The following RCN2 variants were observed in gnomAD, a reference collection of about 807,000 sequenced individuals.
The protein encoded by RCN2 is reticulocalbin 2.
RCN2 carries 23 observed loss-of-function variants against 37.5 expected under a neutral mutation model. The observed-to-expected ratio is 0.61, with a 90% confidence interval of 0.44 to 0.87. RCN2 has a LOEUF of 0.87. RCN2 is among the 40% of genes least tolerant of loss of function. RCN2 has a pLI of 0.00. For missense variants in RCN2, 381 were observed against 390.4 expected, an observed-to-expected ratio of 0.98 and a Z score of 0.20; for synonymous variants, 140 against 144.6, an observed-to-expected ratio of 0.97 and a Z score of 0.23.
chr15:76,945,673 C>T (rs539776605), intron 4 of RCN2, among the ~76,000 whole-genome samples: 5 of 152,308 alleles, frequency 3.3e-5, no homozygotes, highest in South Asian at 4.1e-4. Flanking sequence ...CCTCCAGCTA[C>T]GTGGCTTGGT....
chr15:76,932,408 A>G lies in RCN2; in HGVS notation c.192A>G (p.Lys64=). Residue 64 remains lysine, a synonymous_variant, in exon 2 of 7, where the codon AAA becomes AAG. Transcript: ENST00000394885. Reference sequence around the variant, plus strand: ...AACTCGGCCACGAAGAGCAGCAAAAAAGACTGCAGGCGATCATAAAGAAAA... The same window carrying G: ...AACTCGGCCACGAAGAGCAGCAAAAGAGACTGCAGGCGATCATAAAGAAAA... ...YVKLGHEEQQ[K]RLQAIIKKID... 6.2e-7 allele frequency: 1 copy of G among 1,614,100 alleles called. No homozygotes were observed. Among genetic ancestry groups the G allele is most frequent in the Non-Finnish European group, 8.5e-7 (1 of 1,179,958 alleles).
In RCN2 at chr15:76,949,365, G is replaced by A. The variant is rs1385717133; in HGVS notation, c.*143G>A. On this transcript the variant is annotated 3_prime_UTR_variant, in exon 7 of 7. Transcript: ENST00000394885. ...TTATCTTAATGTAGATTATAATTTT[G>A]GTCTTTTAGGAAAAAAAAACAAAAA... 1.7e-5 allele frequency: 10 copies of A among 593,496 alleles called. No homozygotes were observed. Among genetic ancestry groups the A allele is most frequent in the African/African-American group, 3.8e-5 (2 of 52,114 alleles). The allele number at this position is 593,496 out of a possible 1,614,324, so 36.8% of individuals were successfully genotyped here.
At chr15:76,932,589 C>A (rs1249969605) in intron 2 of RCN2, 123 bp downstream of exon 2, 3 of 691,350 alleles carry the variant, frequency 4.3e-6, no homozygotes, top group Non-Finnish European at 7.7e-6. Flanking sequence ...GAGAAAAGGA[C>A]ATGGAGAATA....
chr15:76,936,234 A>G, intron 3 of RCN2, among the ~76,000 whole-genome samples: 1 of 152,030 alleles, frequency 6.6e-6, no homozygotes, highest in South Asian at 2.1e-4. Context: ...TCTCTTGATT[A>G]TTCCTTAATA....
At chr15:76,932,119 G>A (rs888563719) in intron 1 of RCN2, 134 bp downstream of exon 1, 9 of 910,358 alleles carry the variant, frequency 9.9e-6, no homozygotes, top group African/African-American at 3.5e-5. Context: ...GGGCGGCGCG[G>A]CACTCGCTCT....
intron 2 of RCN2, among the ~76,000 whole-genome samples, chr15:76,934,455 A>T (rs1301818209): frequency 6.6e-6 from 1 of 152,160 alleles, no homozygotes; most frequent in Non-Finnish European, 1.5e-5. Context: ...TAGATTTTTT[A>T]AAAGTTGATT....
Position 76,949,006 on chromosome 15 carries a change from T to G in RCN2, c.802-64T>G, listed in dbSNP as rs958383583. ...ATGATTTTGACAAGTCAAATCACAT[T>G]AAATTGTGAACATCTTGCTGAAAAT... On this transcript the variant is annotated intron_variant, in intron 6 of 6. Transcript: ENST00000394885. 3 of 1,407,148 alleles carry G rather than the reference T, an allele frequency of 2.1e-6. No homozygotes were observed. The African/African-American group carries it at 4.3e-5, about 20-fold the overall frequency. The allele number at this position is 1,407,148 out of a possible 1,614,324, so 87.2% of individuals were successfully genotyped here.
At chr15:76,934,118 G>C (rs760731660) in intron 2 of RCN2, among the ~76,000 whole-genome samples, 3 of 151,742 alleles carry the variant, frequency 2.0e-5, no homozygotes, top group Non-Finnish European at 4.4e-5. Flanking sequence ...CTTTAACGTA[G>C]TTTAGTAAAT....
chr15:76,946,510 G>A (rs2075297514), intron 4 of RCN2, among the ~76,000 whole-genome samples: 1 of 152,156 alleles, frequency 6.6e-6, no homozygotes, highest in East Asian at 1.9e-4. Context: ...CCAGCACTTT[G>A]GGAGGCTGAG....
intron 3 of RCN2, chr15:76,943,476 C>T: frequency 3.8e-6 from 1 of 259,904 alleles, no homozygotes; most frequent in Non-Finnish European, 7.2e-6. Flanking sequence ...AGATTTTTAT[C>T]CCAGTTTGAT....
At chr15:76,944,286 G>T (rs1384729214) in intron 4 of RCN2, among the ~76,000 whole-genome samples, 1 of 152,044 alleles carries the variant, frequency 6.6e-6, no homozygotes, top group Non-Finnish European at 1.5e-5. Flanking sequence ...CGGCCGAGAT[G>T]TTTTGATACA....
intron 4 of RCN2, among the ~76,000 whole-genome samples, chr15:76,944,183 C>T (rs2152651236): frequency 6.6e-6 from 1 of 151,808 alleles, no homozygotes; most frequent in East Asian, 1.9e-4. Context: ...TCAGTAGAGA[C>T]GGGGTTTCAC....
rs2075223237 is a variant in RCN2 at position 76,931,814 on chromosome 15, C to T, written c.-28C>T. Reference sequence around the variant, plus strand: ...CCCCCGCCAGCCTCCCTCCTCGCGTCCCTCGGTGTCCTCCGCGGGCCGGCG... The same window carrying T: ...CCCCCGCCAGCCTCCCTCCTCGCGTTCCTCGGTGTCCTCCGCGGGCCGGCG... On this transcript the variant is annotated 5_prime_UTR_variant, in exon 1 of 7. Transcript: ENST00000394885. 2 of 1,207,372 alleles carry T rather than the reference C, an allele frequency of 1.7e-6. No homozygotes were observed. The highest frequency in any genetic ancestry group is 3.2e-5 in the African/African-American group (2 of 62,872). The allele number at this position is 1,207,372 out of a possible 1,614,324, so 74.8% of individuals were successfully genotyped here.
At position 76,935,655 on chromosome 15, in the gene RCN2, A is replaced by G; in HGVS notation, c.380A>G (p.Tyr127Cys). The G allele has an allele frequency of 1.2e-6, 2 of 1,614,080 alleles. No homozygotes were observed. Among genetic ancestry groups the G allele is most frequent in the Admixed American group, 1.7e-5 (1 of 60,030 alleles). ...TGGGATGAATATAACATTCAGATGT[A>G]TGATCGTGTGATTGACTTTGATGAG... ...VTWDEYNIQM[Y>C]DRVIDFDENT... The change falls in exon 3 of 7, where the codon TAT becomes TGT. Residue 127 changes from tyrosine to cysteine, a missense_variant. Transcript: ENST00000394885.
In RCN2 at chr15:76,948,517, G is replaced by A. The variant is rs1252608171; in HGVS notation, c.766G>A (p.Val256Ile). 6 of 1,602,830 alleles carry A rather than the reference G, an allele frequency of 3.7e-6. No homozygotes were observed. Among genetic ancestry groups the A allele is most frequent in the Non-Finnish European group, 5.1e-6 (6 of 1,173,600 alleles). The change falls in exon 6 of 7, where the codon GTA becomes ATA. Residue 256 changes from valine to isoleucine, a missense_variant. By Grantham distance (29) the Val-to-Ile change is conservative. Transcript: ENST00000394885. The part of the protein sequence containing the change: ...RLDPQELLPW[V>I]VPNNQGIAQE... ...TGATCCCCAAGAGCTGTTACCTTGG[G>A]TAGTACCTAATAATCAGGGCATTGC... is the stretch of plus-strand genomic sequence containing the variant.
intron 4 of RCN2, 86 bp downstream of exon 4, chr15:76,943,957 G>T: frequency 4.2e-6 from 2 of 471,126 alleles, no homozygotes; most frequent in Admixed American, 3.5e-5. Context: ...TACATAGTAG[G>T]TATATATGTT....
intron 1 of RCN2, 145 bp downstream of exon 1, chr15:76,932,130 C>T (rs2075226006): frequency 2.4e-6 from 2 of 824,806 alleles, no homozygotes; most frequent in Non-Finnish European, 1.7e-6. Flanking sequence ...CACTCGCTCT[C>T]TGGGGGTCCT....
At chr15:76,938,205 T>C (rs997414464) in intron 3 of RCN2, among the ~76,000 whole-genome samples, 1 of 152,230 alleles carries the variant, frequency 6.6e-6, no homozygotes, top group Non-Finnish European at 1.5e-5. Flanking sequence ...TCTTAACTTA[T>C]CCTGTTTTGG....
At position 76,949,461 on chromosome 15, in the gene RCN2, T is replaced by C. The variant is rs2075310296; in HGVS notation, c.*239T>C. The C allele has an allele frequency of 3.1e-6, 1 of 321,156 alleles. No individual in the cohort carries two copies. Among genetic ancestry groups the C allele is most frequent in the Non-Finnish European group, 5.6e-6 (1 of 177,418 alleles). The allele number at this position is 321,156 out of a possible 1,614,324, so 19.9% of individuals were successfully genotyped here. On this transcript the variant is annotated 3_prime_UTR_variant, in exon 7 of 7. Transcript: ENST00000394885. ...TTGTGCCATATGACAACAAAGTCTT[T>C]CCTAAATACTCCATCTGTTTAGTAC...
Sources: allele counts gnomAD v4.1 joint callset (sites outside exome capture counted in the v4.1 genomes callset), GRCh38; gene constraint gnomAD v4.1.1; transcripts MANE v1.5; gene names NCBI Gene and HGNC (gene_info 2026-07-23, HGNC 2026-07-21).